CKMT2: variants seen among roughly 807,000 people sequenced by gnomAD.
CKMT2 encodes creatine kinase, mitochondrial 2.
Under a neutral mutation model 48.9 loss-of-function variants are expected in CKMT2, and 43 were observed. The observed-to-expected ratio is 0.88, with a 90% CI of 0.69 to 1.13. The LOEUF is 1.13. Ranked by LOEUF, CKMT2 falls within the 50% of genes most tolerant of loss-of-function variation. The pLI, the probability that CKMT2 is intolerant of heterozygous loss-of-function variation, is 0.00. For missense variants in CKMT2, 472 were observed against 555.4 expected, an observed-to-expected ratio of 0.85 and a Z score of 1.51; for synonymous variants, 206 against 213.0, an observed-to-expected ratio of 0.97 and a Z score of 0.29.
chr5:81,239,998 T>A (rs147897465), intron 1 of CKMT2, among the ~76,000 whole-genome samples: 32 of 152,304 alleles, frequency 2.1e-4, no homozygotes, highest in African/African-American at 7.7e-4. Context: ...AGTCATCAGA[T>A]GAATAAGTAG....
intron 1 of CKMT2, chr5:81,237,584 T>A (rs2112778160): frequency 6.6e-6 from 1 of 152,348 alleles, no homozygotes; most frequent in Non-Finnish European, 1.5e-5. Context: ...GTTTTTACTT[T>A]TTTATCATAA....
chr5:81,257,929 C>A, intron 7 of CKMT2, 73 bp downstream of exon 7: 1 of 1,438,088 alleles, frequency 7.0e-7, no homozygotes, highest in Non-Finnish European at 9.4e-7. Flanking sequence ...TGAAAGAAGA[C>A]ACTATGGTAA....
chr5:81,265,996 G>A (rs1757373027), intron 9 of CKMT2, 143 bp from the exon 10 acceptor site: 1 of 657,690 alleles, frequency 1.5e-6, no homozygotes, highest in Non-Finnish European at 2.6e-6. Flanking sequence ...TTATATCTCT[G>A]CCTTCCATTT....
At chr5:81,258,825 C>G (rs925335643) in intron 7 of CKMT2, among the ~76,000 whole-genome samples, 7 of 152,200 alleles carry the variant, frequency 4.6e-5, no homozygotes, top group Admixed American at 4.6e-4. Flanking sequence ...AAAATATTCC[C>G]TCCCTACGAT....
intron 8 of CKMT2, among the ~76,000 whole-genome samples, chr5:81,261,909 G>C (rs868485128): frequency 1.3e-5 from 2 of 152,288 alleles, no homozygotes; most frequent in Middle Eastern, 6.8e-3. Flanking sequence ...AAAGAACAAA[G>C]CTGGAGGCAT....
intron 1 of CKMT2, among the ~76,000 whole-genome samples, chr5:81,249,460 G>A (rs967279335): frequency 3.9e-5 from 6 of 152,134 alleles, no homozygotes; most frequent in African/African-American, 7.2e-5. Context: ...TACTCAAAGA[G>A]CCACATTACA....
In CKMT2 at chr5:81,263,553, G is replaced by A; in HGVS notation, c.1077G>A (p.Val359=). The change falls in exon 9 of 10, where the codon GTG becomes GTA. Residue 359 remains valine (V), a synonymous_variant. Transcript: ENST00000254035. ...TCCAGAAGCGTGGCACAGGTGGTGT[G>A]GACACTGCCGCGGTCGCAGATGTGT... is the stretch of plus-strand genomic sequence containing the variant. ...LRLQKRGTGG[V]DTAAVADVYD... 1.2e-6 allele frequency: 2 copies of A among 1,613,106 alleles called. No individual in the cohort carries two copies. The highest frequency in any genetic ancestry group is 4.5e-5 in the East Asian group (2 of 44,846).
rs372501383 is a variant in CKMT2 at position 81,263,627 on chromosome 5, T to C, written c.1140+11T>C. 2.5e-6 allele frequency: 4 copies of C among 1,598,258 alleles called. No homozygotes were observed. The highest frequency in any genetic ancestry group is 3.4e-6 in the Non-Finnish European group (4 of 1,170,568). ...ATTGGTCGATCAGAGGTAACGTCTC[T>C]CTCACTTTCCTAACATGAACTAACA... On this transcript the variant is annotated intron_variant, in intron 9 of 9. Coordinates refer to ENST00000254035, the MANE Select transcript of CKMT2 (RefSeq NM_001099735.2).
chr5:81,259,341 T>G (rs148287406), intron 8 of CKMT2, 87 bp downstream of exon 8: 1 of 1,191,284 alleles, frequency 8.4e-7, no homozygotes, highest in African/African-American at 1.6e-5. Context: ...CACTGCCCAT[T>G]CCTTAACCCT....
In CKMT2 at chr5:81,255,148, G is replaced by C; in HGVS notation, c.603G>C (p.Gly201=). The change falls in exon 5 of 10, where the codon GGG becomes GGC. Residue 201 remains glycine, a synonymous_variant. Transcript: ENST00000254035. ...VAITALEGLK[G]DLAGRYYKLS... is the part of the protein sequence containing the mutation. ...TCACTGCCCTGGAGGGCCTCAAGGG[G>C]GACCTGGCTGGCCGCTACTACAAGC... 6.2e-7 allele frequency: 1 copy of C among 1,614,144 alleles called. No homozygotes were observed. Among genetic ancestry groups the C allele is most frequent in the South Asian group, 1.1e-5 (1 of 91,086 alleles).
At chr5:81,237,997 CA>C (rs1756300976) in intron 1 of CKMT2, 3 of 152,180 alleles carry the variant, frequency 2.0e-5, no homozygotes, top group African/African-American at 4.8e-5. Flanking sequence ...TAATCCATAG[CA>C]GACTCACACA....
At chr5:81,249,187 T>A (rs1349926500) in intron 1 of CKMT2, among the ~76,000 whole-genome samples, 1 of 152,078 alleles carries the variant, frequency 6.6e-6, no homozygotes, top group Non-Finnish European at 1.5e-5. Context: ...TAGCTGAGAC[T>A]ACACTACAGG....
intron 7 of CKMT2, 49 bp downstream of exon 7, chr5:81,257,905 G>A (rs556163568): frequency 1.1e-4 from 171 of 1,547,270 alleles, no homozygotes; most frequent in Non-Finnish European, 1.4e-4. Flanking sequence ...TAAAATTACC[G>A]TATTGTTTGT....
At chr5:81,266,102 TA>T (rs1180771258) in intron 9 of CKMT2, 36 bp from the exon 10 acceptor site, 1 of 1,604,258 alleles carries the variant, frequency 6.2e-7, no homozygotes, top group Non-Finnish European at 8.5e-7. Context: ...CAGATGCTTC[TA>T]TTCAAATTAA....
intron 7 of CKMT2, among the ~76,000 whole-genome samples, chr5:81,258,797 G>A (rs1030680450): frequency 1.3e-5 from 2 of 152,146 alleles, no homozygotes; most frequent in East Asian, 3.9e-4. Context: ...ATCTGAGGTG[G>A]AACAACAGTT....
At position 81,254,472 on chromosome 5, in the gene CKMT2, C is replaced by T. The variant is rs757073013; in HGVS notation, c.428C>T (p.Thr143Met). 2.9e-5 allele frequency: 46 copies of T among 1,613,954 alleles called. No individual in the cohort carries two copies. Among genetic ancestry groups the T allele is most frequent in the Non-Finnish European group, 3.2e-5 (38 of 1,179,968 alleles). The change falls in exon 4 of 10, where the codon ACG becomes ATG. Residue 143 changes from threonine to methionine, a missense_variant. Transcript: ENST00000254035. ...GYDPRVMKHT[T>M]DLDASKITQG... Reference sequence around the variant, plus strand: ...GACCCCAGGGTGATGAAGCACACAACGGATCTGGATGCATCAAAGGTAGGC... The same window carrying T: ...GACCCCAGGGTGATGAAGCACACAATGGATCTGGATGCATCAAAGGTAGGC...
At chr5:81,261,971 A>C (rs1268930617) in intron 8 of CKMT2, among the ~76,000 whole-genome samples, 2 of 152,236 alleles carry the variant, frequency 1.3e-5, no homozygotes, top group African/African-American at 4.8e-5. Flanking sequence ...CTAAAACAGC[A>C]TGGTACTTGT....
chr5:81,246,268 C>T (rs1756608087), intron 1 of CKMT2, among the ~76,000 whole-genome samples: 1 of 151,744 alleles, frequency 6.6e-6, no homozygotes, highest in African/African-American at 2.4e-5. Context: ...GGCCTGCACA[C>T]CTGGCTCCCC....
At chr5:81,264,095 T>C (rs1449796610) in intron 9 of CKMT2, among the ~76,000 whole-genome samples, 1 of 152,242 alleles carries the variant, frequency 6.6e-6, no homozygotes, top group Non-Finnish European at 1.5e-5. Context: ...TTTTATTTCT[T>C]AGGCTAAAGA....
Sources: allele counts gnomAD v4.1 joint callset (sites outside exome capture counted in the v4.1 genomes callset), GRCh38; gene constraint gnomAD v4.1.1; transcripts MANE v1.5; gene names NCBI Gene and HGNC (gene_info 2026-07-23, HGNC 2026-07-21).